Variants in RWDD4 observed in about 807,000 individuals in gnomAD.
RWDD4 encodes the protein RWD domain-containing protein 4.
A neutral mutation model predicts 30.0 loss-of-function variants in RWDD4; 16 were observed. The ratio of observed to expected loss-of-function variants is 0.53; its 90% CI spans 0.36 to 0.81. The LOEUF is 0.81. Ranked by LOEUF, RWDD4 falls within the 30% of genes least tolerant of loss-of-function variation. The pLI, the probability that RWDD4 is intolerant of heterozygous loss-of-function variation, is 0.00. For missense variants in RWDD4, 170 were observed against 223.9 expected (o/e 0.76, Z 1.54); for synonymous variants, 45 against 72.1 (o/e 0.62, Z 1.90).
At chr4:183,652,401 C>T (rs1427642496) in intron 2 of RWDD4, among the ~76,000 whole-genome samples, 1 of 144,440 alleles carries the variant, frequency 6.9e-6, no homozygotes, top group African/African-American at 2.5e-5. Flanking sequence ...CACTCCATTG[C>T]CCAGGCTGGG....
chr4:183,641,110 A>G lies in RWDD4; in HGVS notation c.*326T>C, dbSNP rs1402244688. Reference sequence around the variant, plus strand: ...GAAAAGGGCTTCATACTCCTTTAAGAAAATAGCACATCCACCAGGATAAGA... The same window carrying G: ...GAAAAGGGCTTCATACTCCTTTAAGGAAATAGCACATCCACCAGGATAAGA... On this transcript the variant is annotated 3_prime_UTR_variant, in exon 8 of 8. Coordinates refer to ENST00000326397, the MANE Select transcript of RWDD4 (RefSeq NM_152682.4). 6.0e-6 allele frequency: 2 copies of G among 331,930 alleles called. No homozygotes were observed. The highest frequency in any genetic ancestry group is 1.1e-5 in the Non-Finnish European group (2 of 181,354). 20.6% of individuals were successfully genotyped at this position (331,930 alleles called of 1,614,324 possible).
At chr4:183,647,553 T>G (rs985436480) in intron 5 of RWDD4, among the ~76,000 whole-genome samples, 11 of 152,202 alleles carry the variant, frequency 7.2e-5, no homozygotes, top group Admixed American at 2.0e-4. Context: ...CAAACTCGTA[T>G]ACTGTCATTA....
chr4:183,646,402 G>T, intron 6 of RWDD4, 49 bp from the exon 7 acceptor site: 1 of 1,558,948 alleles, frequency 6.4e-7, no homozygotes, highest in Middle Eastern at 1.7e-4. Flanking sequence ...CAAAGGTTGT[G>T]AAGGGGAAAA....
At chr4:183,658,690 T>C (rs1383232999) in intron 1 of RWDD4, among the ~76,000 whole-genome samples, 1 of 152,180 alleles carries the variant, frequency 6.6e-6, no homozygotes, top group Admixed American at 6.5e-5. Context: ...TGTTATTAAG[T>C]AACCAGGGGA....
chr4:183,644,560 C>T (rs1733929791), intron 7 of RWDD4, among the ~76,000 whole-genome samples: 2 of 152,176 alleles, frequency 1.3e-5, no homozygotes, highest in South Asian at 2.1e-4. Flanking sequence ...GGGGGGATCG[C>T]TTGAGGCCAG....
intron 2 of RWDD4, 94 bp downstream of exon 2, chr4:183,655,787 T>C: frequency 1.4e-6 from 1 of 712,004 alleles, no homozygotes; most frequent in Non-Finnish European, 2.4e-6. Context: ...ACATAATAAA[T>C]TTAAACAAGT....
intron 2 of RWDD4, among the ~76,000 whole-genome samples, chr4:183,652,312 C>A (rs1734093212): frequency 6.6e-6 from 1 of 151,024 alleles, no homozygotes; most frequent in African/African-American, 2.4e-5. Context: ...AGTTGTTATG[C>A]CTCTTTATTC....
At chr4:183,650,960 G>A in intron 4 of RWDD4, 24 bp downstream of exon 4, 1 of 1,589,284 alleles carries the variant, frequency 6.3e-7, no homozygotes, top group Non-Finnish European at 8.6e-7. Context: ...AAAGAATCCG[G>A]CAAAAAAATA....
intron 5 of RWDD4, among the ~76,000 whole-genome samples, chr4:183,649,227 A>G (rs1055346041): frequency 1.3e-5 from 2 of 152,176 alleles, no homozygotes; most frequent in Non-Finnish European, 2.9e-5. Context: ...CAGCCTGGCC[A>G]ACATGGTGAA....
At position 183,650,986 on chromosome 4, in the gene RWDD4, C is replaced by A. The variant is rs140946722; in HGVS notation, c.361G>T (p.Ala121Ser). 3.7e-6 allele frequency: 6 copies of A among 1,607,974 alleles called. No homozygotes were observed. The highest frequency in any genetic ancestry group is 2.2e-4 in the Middle Eastern group (1 of 4,578). ...CAAAAAAATAATCACATACTCACTGCGGAATTGATGGGATTGTGATTCTCC... is the reference window on the plus strand; with the variant it reads ...CAAAAAAATAATCACATACTCACTGAGGAATTGATGGGATTGTGATTCTCC... ...FMENHNPINS[A>S]TSISNIISIE... The change falls in exon 4 of 8, where the codon GCA becomes TCA. Residue 121 changes from alanine to serine, a missense_variant and splice_region_variant. Coordinates refer to ENST00000326397, the MANE Select transcript of RWDD4 (RefSeq NM_152682.4).
chr4:183,645,619 A>G (rs1733952721), intron 7 of RWDD4, among the ~76,000 whole-genome samples: 1 of 144,422 alleles, frequency 6.9e-6, no homozygotes, highest in Non-Finnish European at 1.5e-5. Flanking sequence ...AAAAAAAAAA[A>G]TTAGCCAGGC....
intron 1 of RWDD4, among the ~76,000 whole-genome samples, chr4:183,657,903 T>C (rs982333216): frequency 6.6e-6 from 1 of 152,176 alleles, no homozygotes; most frequent in Non-Finnish European, 1.5e-5. Context: ...ATTCAGTAGG[T>C]CTGGGGTGGA....
intron 7 of RWDD4, among the ~76,000 whole-genome samples, chr4:183,642,447 C>T (rs1396572193): frequency 6.6e-6 from 1 of 151,536 alleles, no homozygotes; most frequent in Admixed American, 6.6e-5. Flanking sequence ...CCTCGGCCTC[C>T]CAAAGTGCTG....
intron 1 of RWDD4, among the ~76,000 whole-genome samples, chr4:183,658,022 A>C (rs1734244206): frequency 6.6e-6 from 1 of 152,228 alleles, no homozygotes; most frequent in Admixed American, 6.5e-5. Flanking sequence ...CAGGGAGAAG[A>C]AGCTATTAAC....
At chr4:183,642,978 G>C (rs1733889908) in intron 7 of RWDD4, among the ~76,000 whole-genome samples, 1 of 151,598 alleles carries the variant, frequency 6.6e-6, no homozygotes, top group Non-Finnish European at 1.5e-5. Context: ...AGAATGGCGT[G>C]AACCCGGGAG....
intron 2 of RWDD4, among the ~76,000 whole-genome samples, chr4:183,653,162 T>G (rs1024615929): frequency 2.0e-5 from 3 of 152,200 alleles, no homozygotes; most frequent in Admixed American, 6.5e-5. Context: ...TAGCATCATA[T>G]AAGGAGGCAC....
intron 1 of RWDD4, 144 bp from the exon 2 acceptor site, chr4:183,656,105 T>C (rs1343831476): frequency 8.5e-6 from 5 of 591,484 alleles, no homozygotes; most frequent in Non-Finnish European, 1.5e-5. Context: ...CATAGGTGCA[T>C]GCAGCAACAC....
chr4:183,658,891 G>A (rs779502601), intron 1 of RWDD4, 38 bp downstream of exon 1: 52 of 1,240,696 alleles, frequency 4.2e-5, no homozygotes, highest in Non-Finnish European at 4.6e-5. Flanking sequence ...TGCGCGCCGC[G>A]CCCGCGCTGG....
chr4:183,650,210 A>C (rs1734048308), intron 4 of RWDD4, among the ~76,000 whole-genome samples: 1 of 152,208 alleles, frequency 6.6e-6, no homozygotes, highest in African/African-American at 2.4e-5. Flanking sequence ...AAACCTGCCG[A>C]AAGTCACAGA....
Sources: gnomAD v4.1 joint callset for allele counts (sites outside exome capture counted in the v4.1 genomes callset) on GRCh38, gnomAD v4.1.1 for gene constraint, MANE v1.5 for transcripts, NCBI Gene and HGNC (gene_info 2026-07-23, HGNC 2026-07-21) for gene names.